GULP1: variants seen among roughly 807,000 people sequenced by gnomAD.
GULP1 encodes the protein PTB domain-containing engulfment adapter protein 1.
GULP1 carries 19 observed loss-of-function variants against 40.9 expected under a neutral mutation model. That is an observed-to-expected ratio of 0.46 (90% CI 0.32 to 0.68). The LOEUF is 0.68. Among genes scored for constraint, GULP1 ranks in the 30% least tolerant of loss-of-function variants. GULP1 has a pLI of 0.03. For missense variants in GULP1, 312 were observed against 362.2 expected, an observed-to-expected ratio of 0.86 and a Z score of 1.12; for synonymous variants, 119 against 117.6, an observed-to-expected ratio of 1.01 and a Z score of -0.08.
intron 1 of GULP1, among the ~76,000 whole-genome samples, chr2:188,364,320 AAGG>A (rs2046458647): frequency 6.6e-6 from 1 of 152,168 alleles, no homozygotes; most frequent in South Asian, 2.1e-4. Context: ...TAATAGGTGA[AAGG>A]AGGTCTGTGG....
At position 188,316,014 on chromosome 2, in the gene GULP1, A is replaced by G. The variant is rs574279604; in HGVS notation, c.-172+23848A>G. The stretch of plus-strand genomic sequence containing the variant: ...GAGTAAATTGCTGCTATGAAAGATA[A>G]AAAGAAATAGTTGTAATGATGGCGA... On this transcript the variant is annotated intron_variant, in intron 1 of 11. Transcript: ENST00000409830. 1.0e-3 allele frequency among the ~76,000 whole-genome samples: 159 copies of G among 152,238 alleles called. 2 individuals carry two copies. The highest frequency in any genetic ancestry group is 2.0e-3 in the Non-Finnish European group (134 of 68,024).
chr2:188,333,700 AT>A (rs1207172817), intron 1 of GULP1, among the ~76,000 whole-genome samples: 1 of 152,190 alleles, frequency 6.6e-6, no homozygotes. Context: ...TAATTTTACA[AT>A]TACTAGTGTT....
intron 1 of GULP1, among the ~76,000 whole-genome samples, chr2:188,380,828 A>G (rs991014398): frequency 1.3e-5 from 2 of 152,212 alleles, no homozygotes; most frequent in East Asian, 3.9e-4. Flanking sequence ...TATTGCATAT[A>G]GAATATTTAA....
chr2:188,581,225 A>G (rs969272084), intron 9 of GULP1, among the ~76,000 whole-genome samples: 1 of 152,064 alleles, frequency 6.6e-6, no homozygotes, highest in Non-Finnish European at 1.5e-5. Context: ...ATGACTCAGT[A>G]TTCAGTACTT....
chr2:188,573,465 G>T (rs768386460), intron 9 of GULP1, among the ~76,000 whole-genome samples: 13 of 152,174 alleles, frequency 8.5e-5, no homozygotes, highest in Admixed American at 2.6e-4. Context: ...CCATGTGTCT[G>T]CAATAAAGCA....
At chr2:188,309,930 A>C (rs1420822037) in intron 1 of GULP1, among the ~76,000 whole-genome samples, 1 of 152,246 alleles carries the variant, frequency 6.6e-6, no homozygotes, top group African/African-American at 2.4e-5. Flanking sequence ...TGGACTTATA[A>C]GCTTAATCTG....
intron 1 of GULP1, among the ~76,000 whole-genome samples, chr2:188,311,490 AT>A (rs1465051447): frequency 3.3e-5 from 5 of 151,908 alleles, no homozygotes; most frequent in Admixed American, 6.6e-5. Flanking sequence ...GCCACCATGC[AT>A]TGTGGAGTTA....
intron 2 of GULP1, among the ~76,000 whole-genome samples, chr2:188,412,267 A>C (rs1444918356): frequency 6.6e-6 from 1 of 152,128 alleles, no homozygotes; most frequent in African/African-American, 2.4e-5. Flanking sequence ...ACTCACTTTC[A>C]TGAGAATAGC....
chr2:188,513,303 A>C (rs1020328292), intron 4 of GULP1, among the ~76,000 whole-genome samples: 2 of 152,116 alleles, frequency 1.3e-5, no homozygotes, highest in African/African-American at 4.8e-5. Context: ...TTATAATCTA[A>C]TATTCTAAAT....
rs140828239 is a variant in GULP1, at chr2:188,475,537, A to G, written c.-44-2122A>G. On this transcript the variant is annotated intron_variant, in intron 2 of 11. Transcript: ENST00000409830. ...TAAACTCCTTTTTTTATATTTCACA[A>G]TCTTCTTTTGTTGAAAATGTCCACC... Among the ~76,000 whole-genome samples the G allele has an allele frequency of 4.4e-3, 671 of 152,020 alleles. 16 individuals carry two copies. The highest frequency in any genetic ancestry group is 0.039 in the Admixed American group (602 of 15,254).
chr2:188,476,008 A>G (rs2060982398), intron 2 of GULP1, among the ~76,000 whole-genome samples: 1 of 152,166 alleles, frequency 6.6e-6, no homozygotes, highest in East Asian at 1.9e-4. Flanking sequence ...TCAGGCAACA[A>G]CTAGGTTTCA....
chr2:188,366,629 G>C (rs2046835552), intron 1 of GULP1, among the ~76,000 whole-genome samples: 1 of 114,126 alleles, frequency 8.8e-6, no homozygotes, highest in Non-Finnish European at 1.6e-5. Context: ...GTCTCGCTCT[G>C]TTGCCCAGGC....
intron 2 of GULP1, among the ~76,000 whole-genome samples, chr2:188,406,072 A>G (rs977621576): frequency 6.6e-6 from 1 of 152,236 alleles, no homozygotes. Context: ...CCTTGTATGA[A>G]CATCATAGGG....
intron 2 of GULP1, among the ~76,000 whole-genome samples, chr2:188,439,170 G>T (rs1427919612): frequency 1.3e-5 from 2 of 151,906 alleles, no homozygotes; most frequent in African/African-American, 4.8e-5. Context: ...ACATTCCAGA[G>T]AAAAGTAAAT....
intron 7 of GULP1, among the ~76,000 whole-genome samples, chr2:188,544,616 G>A (rs867625518): frequency 5.3e-5 from 8 of 151,738 alleles, no homozygotes; most frequent in Non-Finnish European, 1.0e-4. Flanking sequence ...GGACTCAACA[G>A]CAGAATAGAG....
At chr2:188,528,234 C>T (rs991291852) in intron 5 of GULP1, among the ~76,000 whole-genome samples, 1 of 151,966 alleles carries the variant, frequency 6.6e-6, no homozygotes, top group Non-Finnish European at 1.5e-5. Context: ...AACGTGTATA[C>T]TAAATACTAT....
intron 1 of GULP1, among the ~76,000 whole-genome samples, chr2:188,364,043 C>G (rs923861723): frequency 1.3e-5 from 2 of 152,078 alleles, no homozygotes; most frequent in African/African-American, 4.8e-5. Flanking sequence ...TGTGTTATTG[C>G]TACTTTGTCT....
At chr2:188,426,671 A>G (rs2056243439) in intron 2 of GULP1, among the ~76,000 whole-genome samples, 1 of 152,198 alleles carries the variant, frequency 6.6e-6, no homozygotes, top group African/African-American at 2.4e-5. Context: ...CTGTTTTAAT[A>G]TTAAAGCTTG....
intron 1 of GULP1, chr2:188,297,477 A>G (rs928004605): frequency 1.0e-5 from 5 of 477,926 alleles, no homozygotes; most frequent in Non-Finnish European, 2.2e-5. Context: ...GTTACAGTTG[A>G]TCCATTTCTT....
Sources: gnomAD v4.1 joint callset for allele counts (sites outside exome capture counted in the v4.1 genomes callset) on GRCh38, gnomAD v4.1.1 for gene constraint, MANE v1.5 for transcripts, NCBI Gene and HGNC (gene_info 2026-07-23, HGNC 2026-07-21) for gene names.